Variants in ETV1 observed in about 807,000 individuals in gnomAD.
ETV1 encodes the protein ETS translocation variant 1.
In ETV1, 27 loss-of-function variants were observed where a neutral mutation model predicts 62.3. The ratio of observed to expected loss-of-function variants is 0.43; its 90% CI spans 0.32 to 0.60. The LOEUF (loss-of-function observed/expected upper bound fraction) is 0.60. ETV1 is among the 20% of genes least tolerant of loss of function. The probability of loss-of-function intolerance (pLI) is 0.06; values close to 1 mark genes in which losing one functional copy is unlikely to be tolerated. For missense variants in ETV1, 605 were observed against 605.8 expected (o/e 1.00, Z 0.01); for synonymous variants, 222 against 199.6 (o/e 1.11, Z -0.94).
chr7:13,895,529 T>C lies in ETV1; in HGVS notation c.*337A>G, dbSNP rs1781684016. On this transcript the variant is annotated 3_prime_UTR_variant, in exon 14 of 14. Coordinates refer to ENST00000430479, the MANE Select transcript of ETV1 (RefSeq NM_004956.5). ...AAATAAACATTATCTTATGTTGTTA[T>C]GAAATCAAACAGACATGATATAGTT... 1 of 301,594 alleles carries C rather than the reference T, an allele frequency of 3.3e-6. No homozygotes were observed. The highest frequency in any genetic ancestry group is 6.2e-6 in the Non-Finnish European group (1 of 160,040). The allele number at this position is 301,594 out of a possible 1,614,324, so 18.7% of individuals were successfully genotyped here.
chr7:13,976,292 G>A (rs1781444790), intron 6 of ETV1, among the ~76,000 whole-genome samples: 1 of 152,184 alleles, frequency 6.6e-6, no homozygotes, highest in African/African-American at 2.4e-5. Flanking sequence ...GAATAGTGGT[G>A]AAGGTTGTAC....
intron 6 of ETV1, among the ~76,000 whole-genome samples, chr7:13,940,361 C>CA (rs776017052): frequency 4.4e-4 from 35 of 78,944 alleles, no homozygotes; most frequent in African/African-American, 9.5e-4. Context: ...GACTCCACCT[C>CA]AAAAAAAAAA....
chr7:13,934,595 A>G (rs184645493), intron 8 of ETV1, among the ~76,000 whole-genome samples: 90 of 152,348 alleles, frequency 5.9e-4, no homozygotes, highest in African/African-American at 2.0e-3. Flanking sequence ...CACTATTAAC[A>G]GTTAAATTAT....
chr7:13,938,334 A>G (rs1322533952), intron 7 of ETV1, among the ~76,000 whole-genome samples: 3 of 152,264 alleles, frequency 2.0e-5, no homozygotes, highest in African/African-American at 4.8e-5. Context: ...CCTTTGGGTC[A>G]TAATGTACAA....
chr7:13,908,304 T>C (rs909880306), intron 11 of ETV1, among the ~76,000 whole-genome samples: 1 of 152,156 alleles, frequency 6.6e-6, no homozygotes, highest in Non-Finnish European at 1.5e-5. Context: ...GCCTGTCAGA[T>C]TATATTGTAA....
chr7:13,916,854 C>A (rs564437563), intron 9 of ETV1, among the ~76,000 whole-genome samples: 2 of 150,998 alleles, frequency 1.3e-5, no homozygotes, highest in Non-Finnish European at 2.9e-5. Context: ...ATGGTTTGAG[C>A]GCAGGAGGCA....
intron 8 of ETV1, 44 bp from the exon 9 acceptor site, chr7:13,931,793 A>T (rs1284357104): frequency 1.2e-6 from 2 of 1,600,694 alleles, no homozygotes; most frequent in East Asian, 4.5e-5. Flanking sequence ...GGTAACATGG[A>T]ACATTCTTTA....
chr7:13,896,202 C>T (rs1781756652), intron 13 of ETV1, 115 bp from the exon 14 acceptor site: 1 of 711,528 alleles, frequency 1.4e-6, no homozygotes, highest in East Asian at 2.7e-5. Flanking sequence ...GTAACTCTGG[C>T]CCAAAAAAGC....
chr7:13,952,292 T>C lies in ETV1; in HGVS notation c.236-13046A>G, dbSNP rs534096247. ...AGTCATCTTTTTTATAGCTCTAAAA[T>C]GTAATGCCTGCGTGTAAGTGCCTGC... On this transcript the variant is annotated intron_variant, in intron 6 of 13. Coordinates refer to ENST00000430479, the MANE Select transcript of ETV1 (RefSeq NM_004956.5). 7.9e-5 allele frequency among the ~76,000 whole-genome samples: 12 copies of C among 152,294 alleles called. No homozygotes were observed. In the South Asian group the frequency reaches 2.3e-3, roughly 29 times the overall value.
At chr7:13,907,743 C>G (rs1409943817) in intron 11 of ETV1, 1 of 448,450 alleles carries the variant, frequency 2.2e-6, no homozygotes, top group Non-Finnish European at 4.6e-6. Context: ...TGTAGTCATA[C>G]TAAGTGTGCA....
chr7:13,971,397 C>T (rs1338797923), intron 6 of ETV1, among the ~76,000 whole-genome samples: 1 of 152,188 alleles, frequency 6.6e-6, no homozygotes, highest in Non-Finnish European at 1.5e-5. Context: ...ACACAAGGGT[C>T]TGTCTGGATG....
intron 6 of ETV1, among the ~76,000 whole-genome samples, chr7:13,963,324 C>A (rs1240786189): frequency 1.3e-5 from 2 of 151,820 alleles, no homozygotes; most frequent in Non-Finnish European, 2.9e-5. Flanking sequence ...AGAATTTAAC[C>A]AACAGGACAA....
Position 13,972,519 on chromosome 7 carries a change from G to A in ETV1, c.235+4908C>T, listed in dbSNP as rs1258333361. 4.6e-5 allele frequency among the ~76,000 whole-genome samples: 7 copies of A among 152,230 alleles called. No individual in the cohort carries two copies. In the East Asian group the frequency reaches 1.4e-3, roughly 29 times the overall value. ...AGGAAAATTCTGTTTAAATACAAATGTATATCCACTTCAGAAACATAAGGT... is the reference window on the plus strand; with the variant it reads ...AGGAAAATTCTGTTTAAATACAAATATATATCCACTTCAGAAACATAAGGT... On this transcript the variant is annotated intron_variant, in intron 6 of 13. Coordinates refer to ENST00000430479, the MANE Select transcript of ETV1 (RefSeq NM_004956.5).
chr7:13,965,019 A>G lies in ETV1; in HGVS notation c.235+12408T>C, dbSNP rs150764706. On this transcript the variant is annotated intron_variant, in intron 6 of 13. Coordinates refer to ENST00000430479, the MANE Select transcript of ETV1 (RefSeq NM_004956.5). ...TGGGAATTCCATGAACATTAGTAAT[A>G]CTCCTACTACTACTACTAATACCTC... 4.9e-3 allele frequency among the ~76,000 whole-genome samples: 740 copies of G among 152,138 alleles called. 5 individuals are homozygous for G. Among genetic ancestry groups the G allele is most frequent in the African/African-American group, 0.017 (704 of 41,500 alleles).
At chr7:13,978,552 C>T (rs1157014514) in intron 5 of ETV1, among the ~76,000 whole-genome samples, 3 of 151,864 alleles carry the variant, frequency 2.0e-5, no homozygotes, top group African/African-American at 4.8e-5. Flanking sequence ...ACTTTTTTAT[C>T]CAGCCAAGTC....
chr7:13,918,487 C>T (rs1466599903), intron 9 of ETV1, among the ~76,000 whole-genome samples: 1 of 152,024 alleles, frequency 6.6e-6, no homozygotes, highest in African/African-American at 2.4e-5. Context: ...ACCCAAATGT[C>T]CAACAATGAT....
chr7:13,930,797 T>TATA (rs146350506), intron 9 of ETV1, among the ~76,000 whole-genome samples: 1 of 148,746 alleles, frequency 6.7e-6, no homozygotes, highest in Admixed American at 6.7e-5. Context: ...CCAATATATA[T>TATA]TTTTTTTTTT....
At chr7:13,935,941 C>G (rs1786762836) in intron 7 of ETV1, 45 bp from the exon 8 acceptor site, 1 of 1,442,498 alleles carries the variant, frequency 6.9e-7, no homozygotes, top group Non-Finnish European at 9.4e-7. Flanking sequence ...TTCTTTGGAG[C>G]AATTTTTTAA....
chr7:13,894,703 T>A lies in ETV1; in HGVS notation c.*1163A>T. The A allele has an allele frequency of 4.3e-6, 1 of 232,664 alleles. No homozygotes were observed. The highest frequency in any genetic ancestry group is 8.5e-6 in the Non-Finnish European group (1 of 117,436). 14.4% of individuals were successfully genotyped at this position (232,664 alleles called of 1,614,324 possible). On this transcript the variant is annotated 3_prime_UTR_variant, in exon 14 of 14. Coordinates refer to ENST00000430479, the MANE Select transcript of ETV1 (RefSeq NM_004956.5). ...TATCTGTAGTTAACTGCACTGCTTA[T>A]AAATGGTCATAGTAAATTCAGCATG...
Sources: allele counts gnomAD v4.1 joint callset (sites outside exome capture counted in the v4.1 genomes callset), GRCh38; gene constraint gnomAD v4.1.1; transcripts MANE v1.5; gene names NCBI Gene and HGNC (gene_info 2026-07-23, HGNC 2026-07-21).